The following AGO2 variants were observed in gnomAD, a reference collection of about 807,000 sequenced individuals.
AGO2 encodes the protein argonaute RISC catalytic component 2, also known as protein argonaute-2.
A neutral mutation model predicts 102.3 loss-of-function variants in AGO2; 5 were observed. The observed-to-expected ratio is 0.05, with a 90% CI of 0.03 to 0.10. AGO2 has a LOEUF of 0.10. Ranked by LOEUF, AGO2 falls within the 10% of genes least tolerant of loss-of-function variation. The pLI, the probability that AGO2 is intolerant of heterozygous loss-of-function variation, is 1.00. For synonymous variants in AGO2, 449 were observed against 473.1 expected (o/e 0.95, Z 0.66); for missense variants, 541 against 1,183.7 (o/e 0.46, Z 7.97).
In AGO2 at chr8:140,539,564, G is replaced by T; in HGVS notation, c.2035-110C>A. ...ACACCCAGCCGTGGTGATTCTGAGAGACAATGAGTGTGTTCACGGGGAGGT... is the reference window on the plus strand; with the variant it reads ...ACACCCAGCCGTGGTGATTCTGAGATACAATGAGTGTGTTCACGGGGAGGT... On this transcript the variant is annotated intron_variant, in intron 15 of 18. Coordinates refer to ENST00000220592, the MANE Select transcript of AGO2 (RefSeq NM_012154.5). This position sits in a 1 kb window ranked among gnomAD's most constrained non-coding sequence, Gnocchi z 4.7. 7.7e-7 allele frequency: 1 copy of T among 1,301,532 alleles called. No individual in the cohort carries two copies. Among genetic ancestry groups the T allele is most frequent in the Non-Finnish European group, 1.1e-6 (1 of 941,330 alleles). The allele number at this position is 1,301,532 out of a possible 1,614,324, so 80.6% of individuals were successfully genotyped here. A position where few individuals can be genotyped will look rare whatever the true frequency, so the allele number is the denominator to read the frequency against.
chr8:140,574,442 T>G (rs948654567), intron 2 of AGO2, among the ~76,000 whole-genome samples: 1 of 151,970 alleles, frequency 6.6e-6, no homozygotes, highest in Non-Finnish European at 1.5e-5. Flanking sequence ...TTAAATTTTT[T>G]TGTAGAGATG....
rs953913599 is a variant in AGO2, at chr8:140,527,928, T to C, written c.*4116A>G. 1.3e-5 allele frequency: 2 copies of C among 152,248 alleles called. No homozygotes were observed. The highest frequency in any genetic ancestry group is 2.9e-5 in the Non-Finnish European group (2 of 68,050). 9.4% of individuals were successfully genotyped at this position (152,248 alleles called of 1,614,324 possible). ...GCGGGTCACAGTCCCGCCGAAGGAC[T>C]CATCCAGTTCCCAGAGGCGCAGGGA... On this transcript the variant is annotated 3_prime_UTR_variant, in exon 19 of 19. Transcript: ENST00000220592. The surrounding 1 kb of genome is among the most constrained non-coding windows in gnomAD (Gnocchi z 6.0).
intron 1 of AGO2, among the ~76,000 whole-genome samples, chr8:140,628,807 C>G (rs955549485): frequency 6.2e-5 from 9 of 145,218 alleles, no homozygotes; most frequent in Admixed American, 5.5e-4. Context: ...AATAATAGGC[C>G]GGGCGCGGTG....
chr8:140,522,829 A>G lies in AGO2; in HGVS notation c.*9215T>C, dbSNP rs1446491474. 6.6e-6 allele frequency: 1 copy of G among 152,064 alleles called. No individual in the cohort carries two copies. Among genetic ancestry groups the G allele is most frequent in the African/African-American group, 2.4e-5 (1 of 41,392 alleles). The allele number at this position is 152,064 out of a possible 1,614,324, so 9.4% of individuals were successfully genotyped here. On this transcript the variant is annotated 3_prime_UTR_variant, in exon 19 of 19. Coordinates refer to ENST00000220592, the MANE Select transcript of AGO2 (RefSeq NM_012154.5). Reference sequence around the variant, plus strand: ...TACAGCATCTTGATCTGAACAGTTTACACTCACTCTGCCTAATATTTTTGC... The same window carrying G: ...TACAGCATCTTGATCTGAACAGTTTGCACTCACTCTGCCTAATATTTTTGC...
chr8:140,569,977 C>A (rs979494526), intron 3 of AGO2, among the ~76,000 whole-genome samples: 3 of 152,076 alleles, frequency 2.0e-5, no homozygotes, highest in Non-Finnish European at 1.5e-5. Context: ...AAGTGAGGCA[C>A]GAAAAAGTAC....
intron 1 of AGO2, among the ~76,000 whole-genome samples, chr8:140,608,017 T>G (rs2074026884): frequency 6.6e-6 from 1 of 152,204 alleles, no homozygotes; most frequent in Non-Finnish European, 1.5e-5. Flanking sequence ...CTGGAGGAAC[T>G]GATACCTTCC....
intron 1 of AGO2, among the ~76,000 whole-genome samples, chr8:140,611,793 C>T (rs2074081804): frequency 6.6e-6 from 1 of 152,152 alleles, no homozygotes; most frequent in African/African-American, 2.4e-5. Flanking sequence ...TCCAAGCAGA[C>T]CTAGTGACCT....
At chr8:140,601,703 T>G (rs1020295448) in intron 1 of AGO2, among the ~76,000 whole-genome samples, 1 of 152,282 alleles carries the variant, frequency 6.6e-6, no homozygotes, top group Non-Finnish European at 1.5e-5. Context: ...CACATCCTCC[T>G]ATCTACCTTG....
intron 3 of AGO2, among the ~76,000 whole-genome samples, chr8:140,568,706 T>G (rs2073332142): frequency 6.6e-6 from 1 of 152,234 alleles, no homozygotes; most frequent in African/African-American, 2.4e-5. Context: ...GGCAGATCAC[T>G]GACCCCCAAA....
At chr8:140,574,156 C>T (rs987699022) in intron 2 of AGO2, among the ~76,000 whole-genome samples, 8 of 151,312 alleles carry the variant, frequency 5.3e-5, no homozygotes, top group Non-Finnish European at 1.2e-4. Flanking sequence ...ACTTCCCCAC[C>T]GTGACAGAGA....
Position 140,567,747 on chromosome 8 carries a change from A to G in AGO2, c.336+5065T>C, listed in dbSNP as rs1433118526. The stretch of plus-strand genomic sequence containing the variant: ...CTGGCCTCCCTGTCCGGAAATCCTC[A>G]GGGCGAGAGAAGTAGGACTGTCATG... On this transcript the variant is annotated intron_variant, in intron 3 of 18. Coordinates refer to ENST00000220592, the MANE Select transcript of AGO2 (RefSeq NM_012154.5). The surrounding 1 kb of genome is among the most constrained non-coding windows in gnomAD (Gnocchi z 5.0). 3.3e-5 allele frequency among the ~76,000 whole-genome samples: 5 copies of G among 152,200 alleles called. No homozygotes were observed. The highest frequency in any genetic ancestry group is 5.9e-5 in the Non-Finnish European group (4 of 68,022).
chr8:140,536,552 C>A (rs1013764288), intron 16 of AGO2, among the ~76,000 whole-genome samples: 1 of 152,170 alleles, frequency 6.6e-6, no homozygotes, highest in East Asian at 1.9e-4. Context: ...GTCTTGAACT[C>A]CTGACCTCAT....
Position 140,547,542 on chromosome 8 carries a change from C to T in AGO2, c.1674G>A (p.Gln558=). 1 of 1,614,208 alleles carries T rather than the reference C, an allele frequency of 6.2e-7. No individual in the cohort carries two copies. ...QMKNVQRTTP[Q]TLSNLCLKIN... ...TCTTCAGGCAGAGGTTGGACAGGGT[C>T]TGTGGCGTGGTCCTCTGCACGTTCT... is the stretch of plus-strand genomic sequence containing the variant. Residue 558 remains glutamine (Q), a synonymous_variant, in exon 13 of 19, where the codon CAG becomes CAA. Transcript: ENST00000220592.
In AGO2 at chr8:140,624,827, A is replaced by T. The variant is rs569981188; in HGVS notation, c.22+10658T>A. On this transcript the variant is annotated intron_variant, in intron 1 of 18. Transcript: ENST00000220592. Reference sequence around the variant, plus strand: ...CTGTCAACAAGACGATGCCACTGGGATCTGCAATGAGAAACGGGAAACGGG... The same window carrying T: ...CTGTCAACAAGACGATGCCACTGGGTTCTGCAATGAGAAACGGGAAACGGG... 4.3e-4 allele frequency among the ~76,000 whole-genome samples: 66 copies of T among 152,358 alleles called. No homozygotes were observed. The Middle Eastern group carries it at 0.01, about 24-fold the overall frequency.
rs140476676 is a variant in AGO2, at chr8:140,583,973, G to A, written c.215+1146C>T. Among the ~76,000 whole-genome samples, 36 of 152,258 alleles carry A rather than the reference G, an allele frequency of 2.4e-4. No homozygotes were observed. In the East Asian group the frequency reaches 5.8e-3, roughly 25 times the overall value. On this transcript the variant is annotated intron_variant, in intron 2 of 18. Transcript: ENST00000220592. ...CTCCCTTACAATCTTTTGGGACCAC[G>A]GTGGTATATGTGTCTGTCACTGGCC...
At chr8:140,595,874 TTATATAA>T (rs1337815891) in intron 1 of AGO2, among the ~76,000 whole-genome samples, 17 of 115,884 alleles carry the variant, frequency 1.5e-4, no homozygotes, top group African/African-American at 5.9e-4. Context: ...CAATTGTATA[TTATATAA>T]TATATAATTA....
In AGO2 at chr8:140,524,126, G is replaced by C; in HGVS notation, c.*7918C>G. On this transcript the variant is annotated 3_prime_UTR_variant, in exon 19 of 19. Coordinates refer to ENST00000220592, the MANE Select transcript of AGO2 (RefSeq NM_012154.5). ...CGGTTTCCCAGGAAGTCACAAAACA[G>C]AGCAACAGTAATGAAGAGCATTCCA... 6.6e-6 allele frequency: 1 copy of C among 152,246 alleles called. No homozygotes were observed. Among genetic ancestry groups the C allele is most frequent in the East Asian group, 1.9e-4 (1 of 5,192 alleles). 9.4% of individuals were successfully genotyped at this position (152,246 alleles called of 1,614,324 possible).
At chr8:140,605,862 A>G (rs1460294051) in intron 1 of AGO2, 3 of 152,394 alleles carry the variant, frequency 2.0e-5, no homozygotes, top group South Asian at 2.1e-4. Flanking sequence ...GCTGCTGTGC[A>G]GGAAAATTGC....
intron 1 of AGO2, among the ~76,000 whole-genome samples, chr8:140,622,225 C>T (rs568614774): frequency 2.6e-5 from 4 of 152,000 alleles, no homozygotes; most frequent in Non-Finnish European, 4.4e-5. Context: ...TTCCCAGGGG[C>T]TGGGTGGGAG....
Sources: gnomAD v4.1 joint callset for allele counts (sites outside exome capture counted in the v4.1 genomes callset) on GRCh38, gnomAD v4.1.1 for gene constraint, Gnocchi (gnomAD v3.1) non-coding constraint, MANE v1.5 for transcripts, NCBI Gene and HGNC (gene_info 2026-07-23, HGNC 2026-07-21) for gene names.